The following LDLRAD4 variants were observed in gnomAD, a reference collection of about 807,000 sequenced individuals.
The protein encoded by LDLRAD4 is low density lipoprotein receptor class A domain containing 4.
In LDLRAD4, 5 loss-of-function variants were observed where a neutral mutation model predicts 17.0. That is an observed-to-expected ratio of 0.29 (90% confidence interval 0.15 to 0.62). The LOEUF (loss-of-function observed/expected upper bound fraction) is 0.62. Ranked by LOEUF, LDLRAD4 falls within the 20% of genes least tolerant of loss-of-function variation. The probability of loss-of-function intolerance (pLI) is 0.84; values close to 1 mark genes in which losing one functional copy is unlikely to be tolerated. For synonymous variants in LDLRAD4, 168 were observed against 171.8 expected (o/e 0.98, Z 0.17); for missense variants, 340 against 424.7 (o/e 0.80, Z 1.75).
At chr18:13,605,844 C>T (rs2095217794) in intron 3 of LDLRAD4, among the ~76,000 whole-genome samples, 1 of 152,190 alleles carries the variant, frequency 6.6e-6, no homozygotes, top group Non-Finnish European at 1.5e-5. Flanking sequence ...CCGGCTTGCT[C>T]ATTTCATCCA....
At chr18:13,492,393 C>T (rs1317812721) in intron 3 of LDLRAD4, among the ~76,000 whole-genome samples, 1 of 152,226 alleles carries the variant, frequency 6.6e-6, no homozygotes, top group Non-Finnish European at 1.5e-5. Context: ...TTGCTGTAAT[C>T]CGGTGGAGTG....
At position 13,621,286 on chromosome 18, in the gene LDLRAD4, C is replaced by T. The variant is rs369086542; in HGVS notation, c.336+15C>T. The stretch of plus-strand genomic sequence containing the variant: ...GGCTGCCGCAGGTGAGTACCCTGGC[C>T]GCCCCGGCTCCAGAGTCAGGCAGCT... On this transcript the variant is annotated intron_variant, in intron 4 of 5. Coordinates refer to ENST00000359446, the Ensembl canonical transcript of LDLRAD4. The surrounding 1 kb of genome is among the most constrained non-coding windows in gnomAD (Gnocchi z 5.5). The T allele has an allele frequency of 5.1e-5, 82 of 1,601,108 alleles. No homozygotes were observed. Among genetic ancestry groups the T allele is most frequent in the African/African-American group, 3.3e-4 (25 of 74,734 alleles).
intron 1 of LDLRAD4, among the ~76,000 whole-genome samples, chr18:13,282,449 G>A (rs1889356686): frequency 6.6e-6 from 1 of 152,198 alleles, no homozygotes; most frequent in Non-Finnish European, 1.5e-5. Flanking sequence ...GGTAAATACA[G>A]CTGTTACAAA....
intron 4 of LDLRAD4, among the ~76,000 whole-genome samples, chr18:13,638,836 C>T (rs2042288603): frequency 1.3e-5 from 2 of 152,206 alleles, no homozygotes. Flanking sequence ...CCCTGTCTCC[C>T]AGCCCTTGGG....
rs538509877 is a variant in LDLRAD4 at position 13,440,445 on chromosome 18, A to G, written c.181+2061A>G. Among the ~76,000 whole-genome samples the G allele has an allele frequency of 5.3e-4, 81 of 152,276 alleles. 1 individual carries two copies. Among genetic ancestry groups the G allele is most frequent in the African/African-American group, 1.9e-3 (77 of 41,540 alleles). On this transcript the variant is annotated intron_variant, in intron 3 of 5. Transcript: ENST00000359446. The surrounding 1 kb of genome is among the most constrained non-coding windows in gnomAD (Gnocchi z 4.4). Reference sequence around the variant, plus strand: ...TTTGCCCTAACAGAGGAGTCTTACGATCCTGTTGGCAAACTCTTGGCCCCC... The same window carrying G: ...TTTGCCCTAACAGAGGAGTCTTACGGTCCTGTTGGCAAACTCTTGGCCCCC...
At chr18:13,530,118 G>T (rs1462944508) in intron 3 of LDLRAD4, among the ~76,000 whole-genome samples, 1 of 152,128 alleles carries the variant, frequency 6.6e-6, no homozygotes, top group South Asian at 2.1e-4. Context: ...AATTAAATTT[G>T]CCCCCTACCT....
At chr18:13,555,203 C>T (rs193066272) in intron 3 of LDLRAD4, among the ~76,000 whole-genome samples, 7 of 152,054 alleles carry the variant, frequency 4.6e-5, no homozygotes, top group Non-Finnish European at 7.4e-5. Flanking sequence ...GATCCTGGGA[C>T]GGAAAAGGGA....
At chr18:13,378,942 C>T (rs867643167) in intron 1 of LDLRAD4, among the ~76,000 whole-genome samples, 20 of 152,320 alleles carry the variant, frequency 1.3e-4, no homozygotes, top group African/African-American at 3.6e-4. Flanking sequence ...GTGTTAGAGA[C>T]GCGATTTCAT....
chr18:13,291,700 A>G (rs2045972791), intron 1 of LDLRAD4, among the ~76,000 whole-genome samples: 1 of 152,184 alleles, frequency 6.6e-6, no homozygotes, highest in East Asian at 1.9e-4. Context: ...AGTGTGATCG[A>G]TCTTTAAAAA....
At chr18:13,512,557 T>C (rs2093798759) in intron 3 of LDLRAD4, among the ~76,000 whole-genome samples, 1 of 152,210 alleles carries the variant, frequency 6.6e-6, no homozygotes, top group South Asian at 2.1e-4. Context: ...GGATTCTTAC[T>C]TCCTTAGATT....
exon 2 of LDLRAD4, chr18:13,387,687 G>A (rs374467516): frequency 1.1e-5 from 17 of 1,609,892 alleles, no homozygotes; most frequent in African/African-American, 8.0e-5. Flanking sequence ...ACGGGACAGC[G>A]CAAGAGTTGG....
In LDLRAD4 at chr18:13,459,117, C is replaced by T. The variant is rs575379215; in HGVS notation, c.181+20733C>T. On this transcript the variant is annotated intron_variant, in intron 3 of 5. Coordinates refer to ENST00000359446, the Ensembl canonical transcript of LDLRAD4. ...GGAGAATCATTTGAGGCCAGGAGTT[C>T]GAAACCAGCTTGGGCAACATAGTGA... Among the ~76,000 whole-genome samples the T allele has an allele frequency of 3.9e-5, 5 of 127,624 alleles. No individual in the cohort carries two copies. In the East Asian group the frequency reaches 1.0e-3, roughly 26 times the overall value. The allele number at this position is 127,624 out of a possible 152,430, so 83.7% of individuals were successfully genotyped here.
At chr18:13,571,711 A>G (rs1354121275) in intron 3 of LDLRAD4, among the ~76,000 whole-genome samples, 1 of 152,098 alleles carries the variant, frequency 6.6e-6, no homozygotes, top group African/African-American at 2.4e-5. Context: ...ATCTCAGCTC[A>G]CTGCAAGCTC....
At chr18:13,455,261 C>A (rs2092065435) in intron 3 of LDLRAD4, among the ~76,000 whole-genome samples, 1 of 152,132 alleles carries the variant, frequency 6.6e-6, no homozygotes, top group Admixed American at 6.5e-5. Context: ...GCAAATATTG[C>A]AGACCTGAAA....
chr18:13,348,871 C>A (rs894326705), intron 1 of LDLRAD4, among the ~76,000 whole-genome samples: 1 of 152,188 alleles, frequency 6.6e-6, no homozygotes, highest in African/African-American at 2.4e-5. Flanking sequence ...CCCTCCGAGC[C>A]AGGCACGGGA....
At chr18:13,340,080 T>C (rs975048094) in intron 1 of LDLRAD4, among the ~76,000 whole-genome samples, 3 of 152,232 alleles carry the variant, frequency 2.0e-5, no homozygotes, top group Non-Finnish European at 4.4e-5. Flanking sequence ...TCATTTATGA[T>C]GTAGCATGCA....
chr18:13,239,158 G>C lies in LDLRAD4; in HGVS notation c.-467+20170G>C, dbSNP rs1406167693. Among the ~76,000 whole-genome samples, 4 of 146,688 alleles carry C rather than the reference G, an allele frequency of 2.7e-5. No homozygotes were observed. The East Asian group carries it at 7.8e-4, about 29-fold the overall frequency. ...GCTGAGATCACACCACTGTACTCCAGCCTGGGCCACAGAGCAAGACTCTGT... is the reference window on the plus strand; with the variant it reads ...GCTGAGATCACACCACTGTACTCCACCCTGGGCCACAGAGCAAGACTCTGT... On this transcript the variant is annotated intron_variant, in intron 1 of 5. Transcript: ENST00000399848.
intron 3 of LDLRAD4, among the ~76,000 whole-genome samples, chr18:13,459,070 T>C (rs1232713473): frequency 6.7e-6 from 1 of 149,446 alleles, no homozygotes; most frequent in Non-Finnish European, 1.5e-5. Flanking sequence ...TCTCAGCACT[T>C]TGGTTTTGGA....
Position 13,316,898 on chromosome 18 carries a change from CAGAT to C in LDLRAD4, c.-383+38713_-383+38716del, listed in dbSNP as rs372586991. Among the ~76,000 whole-genome samples, 48 of 152,264 alleles carry C rather than the reference CAGAT, an allele frequency of 3.2e-4. No homozygotes were observed. The East Asian group carries it at 7.9e-3, about 25-fold the overall frequency. On this transcript the variant is annotated intron_variant, in intron 1 of 5. Coordinates refer to ENST00000359446, the Ensembl canonical transcript of LDLRAD4. ...CCAAACAGATGGGATAAATAGAAAA[CAGAT>C]AGCAACATGGTCAGTTTTCACTCAA...
Sources: allele counts gnomAD v4.1 joint callset (sites outside exome capture counted in the v4.1 genomes callset), GRCh38; gene constraint gnomAD v4.1.1; non-coding constraint Gnocchi (gnomAD v3.1); transcripts MANE v1.5; gene names NCBI Gene and HGNC (gene_info 2026-07-23, HGNC 2026-07-21).